The following PDE7B variants were observed in gnomAD, a reference collection of about 807,000 sequenced individuals.
PDE7B encodes phosphodiesterase 7B, also known as 3',5'-cyclic-AMP phosphodiesterase 7B.
PDE7B carries 29 observed loss-of-function variants against 56.2 expected under a neutral mutation model. The observed-to-expected ratio is 0.52, with a 90% CI of 0.38 to 0.70. PDE7B has a LOEUF of 0.70. Ranked by LOEUF, PDE7B falls within the 30% of genes least tolerant of loss-of-function variation. PDE7B has a pLI of 0.00. For synonymous variants in PDE7B, 197 were observed against 196.9 expected, an observed-to-expected ratio of 1.00 and a Z score of 0.00; for missense variants, 490 against 565.0, an observed-to-expected ratio of 0.87 and a Z score of 1.35.
At chr6:136,080,662 G>GATA (rs1777192081) in intron 2 of PDE7B, among the ~76,000 whole-genome samples, 1 of 152,148 alleles carries the variant, frequency 6.6e-6, no homozygotes, top group South Asian at 2.1e-4. Context: ...TCTATCCTAA[G>GATA]GGGCAGACTT....
intron 2 of PDE7B, among the ~76,000 whole-genome samples, chr6:135,971,933 C>T (rs992954478): frequency 5.3e-5 from 8 of 152,100 alleles, no homozygotes; most frequent in Non-Finnish European, 7.4e-5. Context: ...ATGTGCATAA[C>T]GCTATAGTAA....
chr6:136,112,810 G>C (rs968506510), intron 3 of PDE7B, among the ~76,000 whole-genome samples: 2 of 152,098 alleles, frequency 1.3e-5, no homozygotes, highest in Non-Finnish European at 2.9e-5. Flanking sequence ...GCGGGGAGGG[G>C]AAGCACATGT....
rs146913139 is a variant in PDE7B, at chr6:136,166,625, C to T, written c.712-7172C>T. 2.7e-3 allele frequency among the ~76,000 whole-genome samples: 415 copies of T among 152,160 alleles called. 6 individuals are homozygous for T. Among genetic ancestry groups the T allele is most frequent in the Non-Finnish European group, 2.0e-3 (139 of 67,992 alleles). On this transcript the variant is annotated intron_variant, in intron 8 of 12. Coordinates refer to ENST00000308191, the MANE Select transcript of PDE7B (RefSeq NM_018945.4). ...AAGCAGATCTCATAAGAACTCACTA[C>T]CACAAGAACAGCATCAAGGGGATGG...
chr6:135,961,009 A>G (rs982494796), intron 2 of PDE7B, among the ~76,000 whole-genome samples: 1 of 152,188 alleles, frequency 6.6e-6, no homozygotes, highest in African/African-American at 2.4e-5. Flanking sequence ...AGCCATGTCC[A>G]TTCATTTACA....
intron 1 of PDE7B, among the ~76,000 whole-genome samples, chr6:135,911,611 A>G (rs1776213451): frequency 6.6e-6 from 1 of 152,172 alleles, no homozygotes; most frequent in East Asian, 1.9e-4. Flanking sequence ...TCACCATGCT[A>G]TCTATGTGTT....
At chr6:136,103,030 ATTCC>A (rs1777588611) in intron 2 of PDE7B, among the ~76,000 whole-genome samples, 1 of 152,194 alleles carries the variant, frequency 6.6e-6, no homozygotes, top group Non-Finnish European at 1.5e-5. Context: ...ATTGTGTTTC[ATTCC>A]TTTTGCGAAA....
chr6:136,191,281 G>T (rs561617499), intron 12 of PDE7B, among the ~76,000 whole-genome samples: 1 of 152,240 alleles, frequency 6.6e-6, no homozygotes, highest in Non-Finnish European at 1.5e-5. Flanking sequence ...CCATTATCTT[G>T]CTTGCCCTTC....
chr6:135,992,319 C>T (rs768454436), intron 2 of PDE7B, among the ~76,000 whole-genome samples: 17 of 152,194 alleles, frequency 1.1e-4, no homozygotes, highest in South Asian at 4.1e-4. Context: ...CCTTGGGCCA[C>T]GGATGGGACT....
At chr6:136,113,832 C>T (rs528975425) in intron 3 of PDE7B, among the ~76,000 whole-genome samples, 5 of 152,264 alleles carry the variant, frequency 3.3e-5, no homozygotes, top group African/African-American at 9.6e-5. Context: ...CCAGCAGCCC[C>T]GTCTACAGCT....
intron 4 of PDE7B, among the ~76,000 whole-genome samples, chr6:136,148,227 T>C (rs1778449035): frequency 6.6e-6 from 1 of 151,986 alleles, no homozygotes; most frequent in Admixed American, 6.6e-5. Flanking sequence ...CAGTGCCTCA[T>C]GCCTGTAAAT....
chr6:136,147,507 G>T lies in PDE7B; in HGVS notation c.318+5G>T, dbSNP rs1349672944. ...GACTACCTTGGACAAGCAAGGGTAAGCTGACTGCCCCATCTCCTCACAGCA... is the reference window on the plus strand; with the variant it reads ...GACTACCTTGGACAAGCAAGGGTAATCTGACTGCCCCATCTCCTCACAGCA... On this transcript the variant is annotated splice_donor_5th_base_variant and intron_variant, in intron 4 of 12. Transcript: ENST00000308191. 1 of 1,613,234 alleles carries T rather than the reference G, an allele frequency of 6.2e-7. No individual in the cohort carries two copies.
chr6:136,156,622 G>A (rs1778609834), intron 8 of PDE7B, among the ~76,000 whole-genome samples: 1 of 152,128 alleles, frequency 6.6e-6, no homozygotes, highest in Non-Finnish European at 1.5e-5. Context: ...GGATCTCTTG[G>A]AGGCTATAGA....
In PDE7B at chr6:136,007,818, C is replaced by T. The variant is rs551652459; in HGVS notation, c.82+60294C>T. Among the ~76,000 whole-genome samples, 41 of 151,534 alleles carry T rather than the reference C, an allele frequency of 2.7e-4. 1 individual carries two copies. The South Asian group carries it at 8.6e-3, about 32-fold the overall frequency. ...ATTTCTGTGAGGTCAATGGTAGCAT[C>T]CTCTTTGTCATTTCTTCTTTTTTTT... On this transcript the variant is annotated intron_variant, in intron 2 of 12. Coordinates refer to ENST00000308191, the MANE Select transcript of PDE7B (RefSeq NM_018945.4).
At chr6:136,179,598 G>T (rs1012877116) in intron 10 of PDE7B, among the ~76,000 whole-genome samples, 1 of 152,138 alleles carries the variant, frequency 6.6e-6, no homozygotes, top group African/African-American at 2.4e-5. Flanking sequence ...ATGCAGTAAA[G>T]GTCTACCGCA....
intron 1 of PDE7B, among the ~76,000 whole-genome samples, chr6:135,907,638 T>C (rs1776139477): frequency 6.6e-6 from 1 of 152,058 alleles, no homozygotes; most frequent in Non-Finnish European, 1.5e-5. Flanking sequence ...ACTGTTTCTA[T>C]ATGCCTAGAA....
intron 2 of PDE7B, among the ~76,000 whole-genome samples, chr6:135,952,576 A>G (rs1774721335): frequency 6.6e-6 from 1 of 152,150 alleles, no homozygotes; most frequent in Non-Finnish European, 1.5e-5. Context: ...TAAAGGCTAC[A>G]GAAGAAATAA....
chr6:136,152,494 C>T (rs567098763), intron 6 of PDE7B, among the ~76,000 whole-genome samples: 2 of 152,300 alleles, frequency 1.3e-5, no homozygotes, highest in South Asian at 2.1e-4. Context: ...ATTACTTGCC[C>T]AAGGCCAACA....
chr6:136,080,569 C>T (rs910030587), intron 2 of PDE7B, among the ~76,000 whole-genome samples: 1 of 152,158 alleles, frequency 6.6e-6, no homozygotes, highest in Non-Finnish European at 1.5e-5. Flanking sequence ...AATCATTTCT[C>T]ACTTGTTGTA....
chr6:135,852,966 C>A (rs1774964972), intron 1 of PDE7B, among the ~76,000 whole-genome samples: 1 of 152,168 alleles, frequency 6.6e-6, no homozygotes, highest in African/African-American at 2.4e-5. Flanking sequence ...CAATTCAATA[C>A]AGGGCTAATG....
Sources: gnomAD v4.1 joint callset for allele counts (sites outside exome capture counted in the v4.1 genomes callset) on GRCh38, gnomAD v4.1.1 for gene constraint, MANE v1.5 for transcripts, NCBI Gene and HGNC (gene_info 2026-07-23, HGNC 2026-07-21) for gene names.